FMNL1: variants seen among roughly 807,000 people sequenced by gnomAD.
FMNL1 encodes the protein formin-like protein 1.
FMNL1 carries 43 observed loss-of-function variants against 121.3 expected under a neutral mutation model. That is an observed-to-expected ratio of 0.35 (90% confidence interval 0.28 to 0.46). FMNL1 has a LOEUF of 0.46. Among genes scored for constraint, FMNL1 ranks in the 20% least tolerant of loss-of-function variants. The probability of loss-of-function intolerance (pLI) is 1.00; values close to 1 mark genes in which losing one functional copy is unlikely to be tolerated. For synonymous variants in FMNL1, 613 were observed against 613.5 expected (o/e 1.00, Z 0.01); for missense variants, 1,191 against 1,482.4 (o/e 0.80, Z 3.23).
chr17:45,245,213 T>C (rs2043801959), intron 21 of FMNL1, 40 bp from the exon 22 acceptor site: 1 of 1,613,224 alleles, frequency 6.2e-7, no homozygotes, highest in African/African-American at 1.3e-5. Context: ...GGGCTGCCTC[T>C]CCGATTCACT....
At position 45,237,703 on chromosome 17, in the gene FMNL1, G is replaced by T; in HGVS notation, c.894+64G>T. The T allele has an allele frequency of 6.4e-7, 1 of 1,569,948 alleles. No homozygotes were observed. Among genetic ancestry groups the T allele is most frequent in the South Asian group, 1.1e-5 (1 of 89,450 alleles). On this transcript the variant is annotated intron_variant, in intron 9 of 26. Coordinates refer to ENST00000331495, the MANE Select transcript of FMNL1 (RefSeq NM_005892.4). The surrounding 1 kb of genome is among the most constrained non-coding windows in gnomAD (Gnocchi z 4.4). ...TGGTGTTGCTTGGAGTCTTGTTGTT[G>T]GCAGTTGTGGCCTTTGCTGGAGGCA...
chr17:45,245,619 G>T lies in FMNL1; in HGVS notation c.2893-13G>T. On this transcript the variant is annotated splice_polypyrimidine_tract_variant and intron_variant, in intron 22 of 26. Coordinates refer to ENST00000331495, the MANE Select transcript of FMNL1 (RefSeq NM_005892.4). ...GAGGTCTAAGCTGGGGGGCTGACAG[G>T]CTGTGCCCACAGGAGGCCTTTGAGT... is the stretch of plus-strand genomic sequence containing the variant. The T allele has an allele frequency of 6.2e-7, 1 of 1,613,854 alleles. No individual in the cohort carries two copies. The highest frequency in any genetic ancestry group is 8.5e-7 in the Non-Finnish European group (1 of 1,179,732).
At chr17:45,246,834 C>CT (rs2043849307) in intron 26 of FMNL1, 33 bp from the exon 27 acceptor site, 2 of 707,526 alleles carry the variant, frequency 2.8e-6, no homozygotes, top group Admixed American at 4.0e-5. Context: ...GGGCGGACTC[C>CT]TGAATGGTAA....
chr17:45,228,737 T>C (rs563139885), intron 1 of FMNL1, among the ~76,000 whole-genome samples: 2 of 152,222 alleles, frequency 1.3e-5, no homozygotes, highest in South Asian at 4.1e-4. Context: ...TAAAGTTCCC[T>C]GGGTGGGTGA....
At chr17:45,243,566 C>T (rs1045732796) in intron 17 of FMNL1, among the ~76,000 whole-genome samples, 8 of 152,366 alleles carry the variant, frequency 5.3e-5, no homozygotes, top group East Asian at 3.9e-4. Flanking sequence ...GATTTACAGC[C>T]GGGCGTCCGC....
chr17:45,222,616 G>A (rs1333635744), intron 1 of FMNL1, among the ~76,000 whole-genome samples: 1 of 152,112 alleles, frequency 6.6e-6, no homozygotes, highest in African/African-American at 2.4e-5. Context: ...GCGGGTCTGG[G>A]GCATCTGCCT....
At position 45,233,320 on chromosome 17, in the gene FMNL1, C is replaced by T. The variant is rs761163579; in HGVS notation, c.401+23C>T. On this transcript the variant is annotated intron_variant, in intron 4 of 26. Coordinates refer to ENST00000331495, the MANE Select transcript of FMNL1 (RefSeq NM_005892.4). This position sits in a 1 kb window ranked among gnomAD's most constrained non-coding sequence, Gnocchi z 4.1. Reference sequence around the variant, plus strand: ...TGGGTGAGTGAGGGCTCAGATCTTCCTCTCTGGGCCTAGGAAGGCTCTGCT... The same window carrying T: ...TGGGTGAGTGAGGGCTCAGATCTTCTTCTCTGGGCCTAGGAAGGCTCTGCT... The T allele has an allele frequency of 6.5e-7, 1 of 1,550,096 alleles. No individual in the cohort carries two copies. Among genetic ancestry groups the T allele is most frequent in the Admixed American group, 2.0e-5 (1 of 50,982 alleles).
intron 1 of FMNL1, among the ~76,000 whole-genome samples, chr17:45,225,452 G>T (rs770105908): frequency 6.6e-6 from 1 of 152,186 alleles, no homozygotes; most frequent in Non-Finnish European, 1.5e-5. Context: ...GAGGATCTCC[G>T]GGGGGATGTG....
At chr17:45,234,507 T>C (rs1371364113) in intron 6 of FMNL1, 1 of 366,992 alleles carries the variant, frequency 2.7e-6, no homozygotes, top group Non-Finnish European at 5.3e-6. Context: ...TCTACTAAAA[T>C]ACAAAAATTA....
At chr17:45,245,136 G>C in intron 21 of FMNL1, 28 bp downstream of exon 21, 2 of 1,612,030 alleles carry the variant, frequency 1.2e-6, no homozygotes, top group South Asian at 2.2e-5. Flanking sequence ...CCTTGGGTGT[G>C]GGGAGGGGCC....
rs763470978 is a variant in FMNL1 at position 45,237,670 on chromosome 17, T to TC, written c.894+36dup. Reference sequence around the variant, plus strand: ...GGAGTCCCTCACCCAAACATGCATTTCCCCCTATGGTGTTGCTTGGAGTCT... The same window carrying TC: ...GGAGTCCCTCACCCAAACATGCATTTCCCCCCTATGGTGTTGCTTGGAGTCT... On this transcript the variant is annotated intron_variant, in intron 9 of 26. Transcript: ENST00000331495. The surrounding 1 kb of genome is among the most constrained non-coding windows in gnomAD (Gnocchi z 4.4). The TC allele has an allele frequency of 6.2e-7, 1 of 1,609,994 alleles. No individual in the cohort carries two copies. Among genetic ancestry groups the TC allele is most frequent in the Admixed American group, 1.7e-5 (1 of 59,986 alleles).
At position 45,241,106 on chromosome 17, in the gene FMNL1, C is replaced by G. The variant is rs555047358; in HGVS notation, c.1231-23C>G. 2 of 1,613,216 alleles carry G rather than the reference C, an allele frequency of 1.2e-6. No individual in the cohort carries two copies. The highest frequency in any genetic ancestry group is 3.3e-5 in the Admixed American group (2 of 59,998). On this transcript the variant is annotated intron_variant, in intron 12 of 26. Transcript: ENST00000331495. This position sits in a 1 kb window ranked among gnomAD's most constrained non-coding sequence, Gnocchi z 7.0. ...GCCAGTGCCGGGCTGCGGGTCGGGGCTCACCATGTGCTGGTGCTACAGCTG... is the reference window on the plus strand; with the variant it reads ...GCCAGTGCCGGGCTGCGGGTCGGGGGTCACCATGTGCTGGTGCTACAGCTG...
chr17:45,223,118 C>A (rs1310167533), intron 1 of FMNL1, among the ~76,000 whole-genome samples: 1 of 152,198 alleles, frequency 6.6e-6, no homozygotes, highest in Non-Finnish European at 1.5e-5. Context: ...ACTCTCCCCA[C>A]CCCCGACGCC....
chr17:45,222,114 TG>T lies in FMNL1; in HGVS notation c.-7del. On this transcript the variant is annotated 5_prime_UTR_variant, in exon 1 of 27. Transcript: ENST00000331495. ...GGCTGGAGGCGCCTGGCCGGCTGGG[TG>T]GGGACCACCATGGGCAACGCGGCCG... 1 of 1,155,508 alleles carries T rather than the reference TG, an allele frequency of 8.7e-7. No individual in the cohort carries two copies. Among genetic ancestry groups the T allele is most frequent in the Non-Finnish European group, 1.1e-6 (1 of 940,482 alleles). The allele number at this position is 1,155,508 out of a possible 1,614,324, so 71.6% of individuals were successfully genotyped here. A position where few individuals can be genotyped will look rare whatever the true frequency, so the allele number is the denominator to read the frequency against.
rs983181196 is a variant in FMNL1, at chr17:45,233,912, C to T, written c.486-160C>T. 2 of 1,319,972 alleles carry T rather than the reference C, an allele frequency of 1.5e-6. No individual in the cohort carries two copies. The highest frequency in any genetic ancestry group is 2.1e-6 in the Non-Finnish European group (2 of 975,018). 81.8% of individuals were successfully genotyped at this position (1,319,972 alleles called of 1,614,324 possible). A position where few individuals can be genotyped will look rare whatever the true frequency, so the allele number is the denominator to read the frequency against. On this transcript the variant is annotated intron_variant, in intron 5 of 26. Transcript: ENST00000331495. This position sits in a 1 kb window ranked among gnomAD's most constrained non-coding sequence, Gnocchi z 4.1. ...CCTGCCCCCGACAGGGAGGGGTGGC[C>T]TCTCTTCCACCACTATGTTCAGCAC...
At position 45,234,135 on chromosome 17, in the gene FMNL1, G is replaced by A. The variant is rs762110167; in HGVS notation, c.549G>A (p.Gln183=). ...CAGAGAAAAACAAGCCCCTGGAGCAGTCTGTGGAAGACCTCAGCAAGGGTC... is the reference window on the plus strand; with the variant it reads ...CAGAGAAAAACAAGCCCCTGGAGCAATCTGTGGAAGACCTCAGCAAGGGTC... ...SNSEKNKPLE[Q]SVEDLSKGPP... Residue 183 remains glutamine, a synonymous_variant, in exon 6 of 27, where the codon CAG becomes CAA. Transcript: ENST00000331495. 4 of 1,614,176 alleles carry A rather than the reference G, an allele frequency of 2.5e-6. No individual in the cohort carries two copies. Among genetic ancestry groups the A allele is most frequent in the Non-Finnish European group, 8.5e-7 (1 of 1,180,020 alleles).
chr17:45,234,414 C>T, intron 6 of FMNL1: 1 of 712,250 alleles, frequency 1.4e-6, no homozygotes, highest in Non-Finnish European at 2.3e-6. Context: ...CCTGTAATCC[C>T]AGCACTTTGG....
At chr17:45,234,253 A>C in intron 6 of FMNL1, 53 bp downstream of exon 6, 1 of 1,612,480 alleles carries the variant, frequency 6.2e-7, no homozygotes, top group Non-Finnish European at 8.5e-7. Context: ...CAGCCCCCAC[A>C]CTGCTGCATC....
chr17:45,221,991 C>A lies in FMNL1; in HGVS notation c.-134C>A, dbSNP rs980305203. ...GCGCGCCGCTGAGCCGAGCGCCCCC[C>A]GCTGCCGAGACCCCCGCCGCCACCG... On this transcript the variant is annotated 5_prime_UTR_variant, in exon 1 of 27. Coordinates refer to ENST00000331495, the MANE Select transcript of FMNL1 (RefSeq NM_005892.4). The A allele has an allele frequency of 3.6e-5, 23 of 645,016 alleles. No individual in the cohort carries two copies. Among genetic ancestry groups the A allele is most frequent in the African/African-American group, 3.5e-4 (18 of 51,628 alleles). The allele number at this position is 645,016 out of a possible 1,614,324, so 40.0% of individuals were successfully genotyped here. A position where few individuals can be genotyped will look rare whatever the true frequency, so the allele number is the denominator to read the frequency against.
Sources: gnomAD v4.1 joint callset for allele counts (sites outside exome capture counted in the v4.1 genomes callset) on GRCh38, gnomAD v4.1.1 for gene constraint, Gnocchi (gnomAD v3.1) non-coding constraint, MANE v1.5 for transcripts, NCBI Gene and HGNC (gene_info 2026-07-23, HGNC 2026-07-21) for gene names.